The following MEGF11 variants were observed in gnomAD, a reference collection of about 807,000 sequenced individuals.
MEGF11 encodes the protein multiple EGF like domains 11.
MEGF11 carries 126 observed loss-of-function variants against 146.6 expected under a neutral mutation model. The ratio of observed to expected loss-of-function variants is 0.86; its 90% CI spans 0.74 to 1.00. The LOEUF (loss-of-function observed/expected upper bound fraction) is 1.00. Among genes scored for constraint, MEGF11 ranks in the 50% least tolerant of loss-of-function variants. The pLI is 0.00. For missense variants in MEGF11, 1,509 were observed against 1,521.2 expected, an observed-to-expected ratio of 0.99 and a Z score of 0.13; for synonymous variants, 532 against 583.4, an observed-to-expected ratio of 0.91 and a Z score of 1.27.
chr15:66,077,034 C>A (rs867817501), intron 5 of MEGF11, among the ~76,000 whole-genome samples: 1 of 152,220 alleles, frequency 6.6e-6, no homozygotes, highest in South Asian at 2.1e-4. Context: ...CACCAGGAAA[C>A]GCTGCAGAGT....
intron 4 of MEGF11, among the ~76,000 whole-genome samples, chr15:66,117,938 C>T (rs1444370625): frequency 6.6e-6 from 1 of 152,148 alleles, no homozygotes; most frequent in Non-Finnish European, 1.5e-5. Flanking sequence ...TTGAGTTTCT[C>T]CAGCATTGGG....
rs1199741022 is a variant in MEGF11, at chr15:66,188,344, A to C, written c.-8-59933T>G. Among the ~76,000 whole-genome samples the C allele has an allele frequency of 5.8e-5, 7 of 120,022 alleles. 1 individual carries two copies. The highest frequency in any genetic ancestry group is 3.8e-4 in the Admixed American group (5 of 13,248). 78.7% of individuals were successfully genotyped at this position (120,022 alleles called of 152,430 possible). A position where few individuals can be genotyped will look rare whatever the true frequency, so the allele number is the denominator to read the frequency against. Reference sequence around the variant, plus strand: ...AATGATTTCCAAATAAAAATTGTTCAAAAAAAATAAAATTTTATGAACACT... The same window carrying C: ...AATGATTTCCAAATAAAAATTGTTCCAAAAAAATAAAATTTTATGAACACT... On this transcript the variant is annotated intron_variant, in intron 1 of 25. Coordinates refer to ENST00000395614, the MANE Select transcript of MEGF11 (RefSeq NM_001385028.1).
chr15:65,898,317 C>T (rs1045758216), intron 25 of MEGF11: 1 of 985,356 alleles, frequency 1.0e-6, no homozygotes, highest in Non-Finnish European at 1.2e-6. Flanking sequence ...TTTAAAATAT[C>T]CTAGAGGTAG....
intron 5 of MEGF11, among the ~76,000 whole-genome samples, chr15:66,042,534 A>T (rs921866648): frequency 6.6e-6 from 1 of 152,036 alleles, no homozygotes; most frequent in Non-Finnish European, 1.5e-5. Context: ...GGGGGAACAT[A>T]TCAGTTTCCC....
chr15:66,113,007 T>C (rs938772844), intron 4 of MEGF11, among the ~76,000 whole-genome samples: 9 of 152,238 alleles, frequency 5.9e-5, no homozygotes, highest in Middle Eastern at 3.4e-3. Flanking sequence ...ATTTAAACAA[T>C]AATTGTGCAA....
At chr15:66,068,635 T>C (rs1041835665) in intron 5 of MEGF11, among the ~76,000 whole-genome samples, 2 of 152,210 alleles carry the variant, frequency 1.3e-5, no homozygotes, top group Non-Finnish European at 2.9e-5. Flanking sequence ...TCTTTCCACC[T>C]GGCCCTTGTC....
chr15:65,970,314 C>T (rs188585724), intron 8 of MEGF11, among the ~76,000 whole-genome samples: 31 of 152,252 alleles, frequency 2.0e-4, no homozygotes, highest in Admixed American at 2.0e-3. Context: ...CACCTCCTTC[C>T]CCCAGGTGAG....
chr15:65,953,558 G>A (rs2141460025), intron 10 of MEGF11, among the ~76,000 whole-genome samples: 1 of 152,324 alleles, frequency 6.6e-6, no homozygotes. Context: ...ATGCAGCCAG[G>A]ATTCAGTGAG....
chr15:66,252,498 G>A (rs895026818), intron 1 of MEGF11, among the ~76,000 whole-genome samples: 2 of 152,110 alleles, frequency 1.3e-5, no homozygotes, highest in Non-Finnish European at 2.9e-5. Flanking sequence ...CACTGGCCTC[G>A]CAGCGCGGGC....
chr15:66,033,807 T>C (rs1188997668), intron 5 of MEGF11, among the ~76,000 whole-genome samples: 1 of 152,254 alleles, frequency 6.6e-6, no homozygotes, highest in Admixed American at 6.5e-5. Context: ...TTTTATTTTT[T>C]GTGAGACGGA....
intron 1 of MEGF11, among the ~76,000 whole-genome samples, chr15:66,219,111 T>C (rs971973664): frequency 2.0e-5 from 3 of 151,790 alleles, no homozygotes; most frequent in African/African-American, 7.3e-5. Flanking sequence ...AAATGTAACA[T>C]GTAAAACCTT....
intron 5 of MEGF11, among the ~76,000 whole-genome samples, chr15:65,992,720 G>A (rs1218341426): frequency 2.0e-5 from 3 of 151,724 alleles, no homozygotes; most frequent in African/African-American, 7.3e-5. Context: ...GTATTGTGTG[G>A]ACAGATAATG....
intron 1 of MEGF11, among the ~76,000 whole-genome samples, chr15:66,216,294 C>T (rs1318259251): frequency 6.6e-6 from 1 of 152,156 alleles, no homozygotes; most frequent in Non-Finnish European, 1.5e-5. Flanking sequence ...GGACTGCAGC[C>T]ATCATGTAGG....
intron 1 of MEGF11, among the ~76,000 whole-genome samples, chr15:66,224,411 C>T (rs1185549708): frequency 6.6e-6 from 1 of 151,774 alleles, no homozygotes; most frequent in Admixed American, 6.6e-5. Context: ...CCCAACTCTA[C>T]TAAAAAACAA....
intron 1 of MEGF11, among the ~76,000 whole-genome samples, chr15:66,163,050 T>TTGGTTG (rs2089997763): frequency 6.6e-6 from 1 of 151,982 alleles, no homozygotes; most frequent in South Asian, 2.1e-4. Context: ...GCCACAAGAT[T>TTGGTTG]CAACCAAAGC....
At chr15:65,975,782 A>C (rs1184564538) in intron 7 of MEGF11, among the ~76,000 whole-genome samples, 1 of 152,240 alleles carries the variant, frequency 6.6e-6, no homozygotes. Context: ...ACAGTGCCTT[A>C]AACAGGGGGC....
chr15:66,025,462 C>T (rs2083296023), intron 5 of MEGF11, among the ~76,000 whole-genome samples: 1 of 152,128 alleles, frequency 6.6e-6, no homozygotes, highest in African/African-American at 2.4e-5. Context: ...CGAGGAGGTC[C>T]ACTACCTCTT....
chr15:65,919,679 G>A (rs959670573), intron 15 of MEGF11, among the ~76,000 whole-genome samples: 5 of 152,190 alleles, frequency 3.3e-5, no homozygotes, highest in Admixed American at 6.5e-5. Context: ...TGCCCAGGCC[G>A]GAGTGCAGTG....
At chr15:66,157,232 C>T (rs1412486563) in intron 1 of MEGF11, among the ~76,000 whole-genome samples, 2 of 152,208 alleles carry the variant, frequency 1.3e-5, no homozygotes, top group Non-Finnish European at 2.9e-5. Context: ...CACGGGCAAA[C>T]GTAGCCAGCC....
Sources: allele counts gnomAD v4.1 joint callset (sites outside exome capture counted in the v4.1 genomes callset), GRCh38; gene constraint gnomAD v4.1.1; transcripts MANE v1.5; gene names NCBI Gene and HGNC (gene_info 2026-07-23, HGNC 2026-07-21).